Variants in TXN2 observed in about 807,000 individuals in gnomAD.
The protein encoded by TXN2 is thioredoxin 2.
TXN2 carries 12 observed loss-of-function variants against 14.6 expected under a neutral mutation model. The ratio of observed to expected loss-of-function variants is 0.82; its 90% CI spans 0.53 to 1.33. TXN2 has a LOEUF of 1.33. TXN2 is among the 40% of genes most tolerant of loss of function. The pLI is 0.00. For missense variants in TXN2, 173 were observed against 207.7 expected (o/e 0.83, Z 1.03); for synonymous variants, 89 against 81.0 (o/e 1.10, Z -0.53).
rs941042738 is a variant in TXN2, at chr22:36,481,571, C to A, written c.-8G>T. 1.0e-6 allele frequency: 1 copy of A among 1,000,250 alleles called. No individual in the cohort carries two copies. The highest frequency in any genetic ancestry group is 1.2e-6 in the Non-Finnish European group (1 of 829,988). 62.0% of individuals were successfully genotyped at this position (1,000,250 alleles called of 1,614,324 possible). ...CCCCCACAGGGCTCCTACCTCCCTG[C>A]AATGCGAGCGGAGGGATGCACAGCC... is the stretch of plus-strand genomic sequence containing the variant. On this transcript the variant is annotated 5_prime_UTR_variant, in exon 1 of 4. Coordinates refer to ENST00000216185, the MANE Select transcript of TXN2 (RefSeq NM_012473.4).
chr22:36,474,468 C>A (rs1320761669), intron 3 of TXN2, among the ~76,000 whole-genome samples: 1 of 152,142 alleles, frequency 6.6e-6, no homozygotes, highest in African/African-American at 2.4e-5. Flanking sequence ...TTGAGCTGGT[C>A]TAGTAAGAGT....
intron 2 of TXN2, among the ~76,000 whole-genome samples, chr22:36,478,292 T>C (rs895126311): frequency 6.6e-6 from 1 of 152,176 alleles, no homozygotes; most frequent in Non-Finnish European, 1.5e-5. Flanking sequence ...GTCATCTCTA[T>C]GTATGTGGCA....
intron 3 of TXN2, among the ~76,000 whole-genome samples, chr22:36,470,007 T>G (rs1215454867): frequency 6.6e-6 from 1 of 152,066 alleles, no homozygotes; most frequent in Non-Finnish European, 1.5e-5. Context: ...AACACAGACT[T>G]TTCTTACATA....
chr22:36,472,428 C>T (rs1390764916), intron 3 of TXN2, among the ~76,000 whole-genome samples: 1 of 152,122 alleles, frequency 6.6e-6, no homozygotes, highest in African/African-American at 2.4e-5. Context: ...CCTATGTAAA[C>T]TTTTGGCTTT....
intron 1 of TXN2, chr22:36,481,059 A>C (rs1320629845): frequency 2.1e-6 from 1 of 475,258 alleles, no homozygotes; most frequent in African/African-American, 2.0e-5. Context: ...CTTCACAACC[A>C]AAAAGAAATC....
chr22:36,480,006 C>G (rs1207407195), intron 2 of TXN2, among the ~76,000 whole-genome samples: 1 of 151,938 alleles, frequency 6.6e-6, no homozygotes, highest in East Asian at 1.9e-4. Context: ...GCCTCAGCCT[C>G]CCGAGTAGCT....
At chr22:36,480,963 T>C (rs1463616921) in intron 1 of TXN2, 126 bp from the exon 2 acceptor site, 3 of 1,042,576 alleles carry the variant, frequency 2.9e-6, no homozygotes, top group East Asian at 2.8e-5. Context: ...GGAAATCATA[T>C]GTAAGATTTG....
chr22:36,473,340 G>A (rs1191169350), intron 3 of TXN2, among the ~76,000 whole-genome samples: 1 of 152,200 alleles, frequency 6.6e-6, no homozygotes, highest in Non-Finnish European at 1.5e-5. Context: ...CTACTCGGGA[G>A]GCTGAGGCAG....
intron 3 of TXN2, among the ~76,000 whole-genome samples, chr22:36,469,882 G>C (rs1460658371): frequency 6.6e-6 from 1 of 152,128 alleles, no homozygotes; most frequent in Non-Finnish European, 1.5e-5. Flanking sequence ...CTTGAACCCG[G>C]GAGGCAGAGG....
At chr22:36,478,511 A>G (rs1933433827) in intron 2 of TXN2, among the ~76,000 whole-genome samples, 1 of 152,134 alleles carries the variant, frequency 6.6e-6, no homozygotes, top group African/African-American at 2.4e-5. Context: ...TATTTTTGAG[A>G]TGGAGTCTCA....
Position 36,475,277 on chromosome 22 carries a change from C to T in TXN2, c.387+1456G>A, listed in dbSNP as rs138911888. Reference sequence around the variant, plus strand: ...CCTGTAATCTCAGCTACTCCGGAGGCTGGGACAGGAGAACTGCTTGAACCC... The same window carrying T: ...CCTGTAATCTCAGCTACTCCGGAGGTTGGGACAGGAGAACTGCTTGAACCC... On this transcript the variant is annotated intron_variant, in intron 3 of 3. Coordinates refer to ENST00000216185, the MANE Select transcript of TXN2 (RefSeq NM_012473.4). 4.4e-3 allele frequency among the ~76,000 whole-genome samples: 673 copies of T among 152,318 alleles called. 3 individuals are homozygous for T. The highest frequency in any genetic ancestry group is 0.015 in the African/African-American group (643 of 41,560).
chr22:36,467,985 C>A, intron 3 of TXN2, 68 bp from the exon 4 acceptor site: 1 of 1,390,066 alleles, frequency 7.2e-7, no homozygotes. Flanking sequence ...CACTCCTGAG[C>A]CTTTGTGGGG....
chr22:36,475,912 C>G (rs1304171963), intron 3 of TXN2, among the ~76,000 whole-genome samples: 1 of 148,134 alleles, frequency 6.8e-6, no homozygotes. Flanking sequence ...CTCAGAGGTT[C>G]TCTCTAACGT....
At chr22:36,469,675 G>A (rs1262693390) in intron 3 of TXN2, among the ~76,000 whole-genome samples, 1 of 152,214 alleles carries the variant, frequency 6.6e-6, no homozygotes, top group African/African-American at 2.4e-5. Context: ...AACAAGATAG[G>A]CCGGTCGCTG....
At chr22:36,476,913 A>G in intron 2 of TXN2, 57 bp from the exon 3 acceptor site, 1 of 1,608,898 alleles carries the variant, frequency 6.2e-7, no homozygotes, top group South Asian at 1.1e-5. Context: ...AGCATCCCCT[A>G]CTGGCTTCCC....
intron 3 of TXN2, among the ~76,000 whole-genome samples, chr22:36,470,182 G>A (rs983897290): frequency 6.6e-6 from 1 of 152,072 alleles, no homozygotes; most frequent in Non-Finnish European, 1.5e-5. Context: ...AGACCATCCC[G>A]CCCTCACCCA....
chr22:36,469,749 A>T (rs55769975), intron 3 of TXN2, among the ~76,000 whole-genome samples: 6,679 of 152,260 alleles, frequency 0.044, 331 homozygotes, highest in African/African-American at 0.12. Context: ...TGAGGTCAGG[A>T]GTTCGAGACC....
At chr22:36,481,479 GC>G in intron 1 of TXN2, 84 bp downstream of exon 1, 1 of 722,320 alleles carries the variant, frequency 1.4e-6, no homozygotes, top group Non-Finnish European at 1.7e-6. Flanking sequence ...CCCCCCGCCC[GC>G]CCGGCCGCCA....
chr22:36,471,734 T>C (rs1312036513), intron 3 of TXN2, among the ~76,000 whole-genome samples: 36 of 152,188 alleles, frequency 2.4e-4, no homozygotes, highest in Admixed American at 2.0e-3. Context: ...TTTGGGAGGC[T>C]GAGGAAGGTG....
Sources: gnomAD v4.1 joint callset for allele counts (sites outside exome capture counted in the v4.1 genomes callset) on GRCh38, gnomAD v4.1.1 for gene constraint, MANE v1.5 for transcripts, NCBI Gene and HGNC (gene_info 2026-07-23, HGNC 2026-07-21) for gene names.